Variants in ARAP2 observed in about 807,000 individuals in gnomAD.
ARAP2 encodes the protein arf-GAP with Rho-GAP domain, ANK repeat and PH domain-containing protein 2.
ARAP2 carries 148 observed loss-of-function variants against 194.5 expected under a neutral mutation model. The observed-to-expected ratio is 0.76, with a 90% CI of 0.67 to 0.87. ARAP2 has a LOEUF of 0.87. ARAP2 is among the 40% of genes least tolerant of loss of function. ARAP2 has a pLI of 0.00. For missense variants in ARAP2, 2,128 were observed against 1,989.7 expected (o/e 1.07, Z -1.32); for synonymous variants, 695 against 683.5 (o/e 1.02, Z -0.26).
At chr4:36,036,382 A>G (rs1269167841) in intron 5 of ARAP2, among the ~76,000 whole-genome samples, 1 of 152,014 alleles carries the variant, frequency 6.6e-6, no homozygotes, top group African/African-American at 2.4e-5. Flanking sequence ...AATATTTTCT[A>G]TAGGTTTATT....
chr4:36,106,634 A>C, intron 27 of ARAP2, among the ~76,000 whole-genome samples: 1 of 151,924 alleles, frequency 6.6e-6, no homozygotes, highest in East Asian at 1.9e-4. Flanking sequence ...TCACATGATT[A>C]AAATTAGGAG....
chr4:36,137,204 T>C (rs1727059905), intron 19 of ARAP2, among the ~76,000 whole-genome samples: 1 of 151,892 alleles, frequency 6.6e-6, no homozygotes, highest in Non-Finnish European at 1.5e-5. Context: ...AGGCACAATA[T>C]CTGTTTCTTT....
At chr4:36,069,177 G>A (rs1411965363) in intron 32 of ARAP2, among the ~76,000 whole-genome samples, 2 of 152,048 alleles carry the variant, frequency 1.3e-5, no homozygotes, top group African/African-American at 4.8e-5. Flanking sequence ...CTTAATCTCA[G>A]TAGATCCAAA....
chr4:36,119,979 A>G (rs549995688), intron 23 of ARAP2, among the ~76,000 whole-genome samples: 95 of 151,656 alleles, frequency 6.3e-4, no homozygotes, highest in African/African-American at 2.2e-3. Context: ...TAGGAAACTT[A>G]AGCAAAGGAT....
Position 36,155,047 on chromosome 4 carries a change from A to G in ARAP2, c.2752+3683T>C, listed in dbSNP as rs536138031. On this transcript the variant is annotated intron_variant, in intron 15 of 32. Coordinates refer to ENST00000303965, the MANE Select transcript of ARAP2 (RefSeq NM_015230.4). Reference sequence around the variant, plus strand: ...CAAGATATGCTTTGTGCCAGCAATTATATCTTTTTATCCACAGATCAAAAC... The same window carrying G: ...CAAGATATGCTTTGTGCCAGCAATTGTATCTTTTTATCCACAGATCAAAAC... Among the ~76,000 whole-genome samples the G allele has an allele frequency of 4.6e-5, 7 of 152,334 alleles. No individual in the cohort carries two copies. In the South Asian group the frequency reaches 1.5e-3, roughly 32 times the overall value.
chr4:36,225,078 G>C (rs900846634), intron 2 of ARAP2, among the ~76,000 whole-genome samples: 16 of 152,062 alleles, frequency 1.1e-4, no homozygotes, highest in African/African-American at 3.9e-4. Context: ...GAGACTTCAG[G>C]TTTAGATTTC....
chr4:36,170,288 A>C (rs1736312100), intron 9 of ARAP2, among the ~76,000 whole-genome samples: 1 of 152,238 alleles, frequency 6.6e-6, no homozygotes, highest in East Asian at 1.9e-4. Flanking sequence ...AACTATCAAG[A>C]CATAAATACT....
intron 1 of ARAP2, chr4:36,243,560 T>TA (rs1331980382): frequency 3.9e-5 from 6 of 151,984 alleles, no homozygotes; most frequent in African/African-American, 1.5e-4. Flanking sequence ...CACCTCAAGG[T>TA]AGGAGGTGTT....
At chr4:36,243,383 C>CAAAAAAAAAAA (rs71201008) in intron 1 of ARAP2, among the ~76,000 whole-genome samples, 2 of 85,112 alleles carry the variant, frequency 2.3e-5, no homozygotes, top group African/African-American at 5.0e-5. Context: ...GACAAGCTTG[C>CAAAAAAAAAAA]AAAAAAAAAA....
intron 1 of ARAP2, among the ~76,000 whole-genome samples, chr4:36,234,101 C>T (rs532777413): frequency 1.5e-4 from 23 of 152,314 alleles, no homozygotes; most frequent in South Asian, 1.0e-3. Flanking sequence ...TAGAGAATTG[C>T]GGTTTCTCTC....
chr4:36,080,081 G>A, intron 31 of ARAP2, 135 bp downstream of exon 31: 1 of 638,576 alleles, frequency 1.6e-6, no homozygotes. Context: ...CTAAGAATGA[G>A]AGAATCAAAG....
chr4:36,036,050 G>A (rs968953539), intron 5 of ARAP2, among the ~76,000 whole-genome samples: 2 of 152,030 alleles, frequency 1.3e-5, no homozygotes, highest in African/African-American at 4.8e-5. Flanking sequence ...AATAGGTCTT[G>A]CTGTCTTGCA....
intron 15 of ARAP2, among the ~76,000 whole-genome samples, chr4:36,156,611 T>A (rs1458845640): frequency 6.6e-6 from 1 of 152,150 alleles, no homozygotes; most frequent in Non-Finnish European, 1.5e-5. Flanking sequence ...AGGAAGGCAC[T>A]GCAGCACAGG....
At chr4:36,141,654 T>A (rs923333661) in intron 19 of ARAP2, among the ~76,000 whole-genome samples, 2 of 151,692 alleles carry the variant, frequency 1.3e-5, no homozygotes, top group African/African-American at 4.8e-5. Context: ...AGCATTTTAA[T>A]CAAAGGTAGA....
chr4:36,195,938 C>G (rs1211205749), intron 6 of ARAP2, among the ~76,000 whole-genome samples: 1 of 152,116 alleles, frequency 6.6e-6, no homozygotes, highest in African/African-American at 2.4e-5. Flanking sequence ...GAATATGGCA[C>G]TGAAAAAGAA....
At chr4:36,038,767 T>C (rs1204821806) in intron 5 of ARAP2, among the ~76,000 whole-genome samples, 2 of 152,210 alleles carry the variant, frequency 1.3e-5, no homozygotes, top group African/African-American at 4.8e-5. Flanking sequence ...TGGAAGCACA[T>C]GGATAATGTT....
At chr4:36,156,165 C>T (rs1213758759) in intron 15 of ARAP2, among the ~76,000 whole-genome samples, 2 of 151,372 alleles carry the variant, frequency 1.3e-5, no homozygotes, top group African/African-American at 4.9e-5. Flanking sequence ...GCCTATAATC[C>T]CAGATATTCA....
chr4:36,231,321 C>T (rs993495628), intron 1 of ARAP2, among the ~76,000 whole-genome samples: 3 of 150,828 alleles, frequency 2.0e-5, no homozygotes, highest in Non-Finnish European at 1.5e-5. Context: ...GGAGACAGAG[C>T]GAGACTTCAT....
At position 36,009,781 on chromosome 4, in the gene ARAP2, G is replaced by A. The variant is rs1393667560; in HGVS notation, n.1326-2735C>T. Among the ~76,000 whole-genome samples the A allele has an allele frequency of 2.4e-4, 25 of 104,932 alleles. No individual in the cohort carries two copies. The Admixed American group carries it at 3.0e-3, about 13-fold the overall frequency. The allele number at this position is 104,932 out of a possible 152,430, so 68.8% of individuals were successfully genotyped here. A position where few individuals can be genotyped will look rare whatever the true frequency, so the allele number is the denominator to read the frequency against. ...TCAATGCAGTTCTGATAGAAGCCAG[G>A]GGATGAAAAAGGAACTCTTCCCAGA... On this transcript the variant is annotated intron_variant and non_coding_transcript_variant, in intron 9 of 12. Transcript: ENST00000503225.
Sources: gnomAD v4.1 joint callset for allele counts (sites outside exome capture counted in the v4.1 genomes callset) on GRCh38, gnomAD v4.1.1 for gene constraint, MANE v1.5 for transcripts, NCBI Gene and HGNC (gene_info 2026-07-23, HGNC 2026-07-21) for gene names.